The following ZNF562 variants were observed in gnomAD, a reference collection of about 807,000 sequenced individuals.
ZNF562 encodes the protein zinc finger protein 562.
In ZNF562, 13 loss-of-function variants were observed where a neutral mutation model predicts 17.5. That is an observed-to-expected ratio of 0.74 (90% CI 0.48 to 1.18). The LOEUF is 1.18. ZNF562 is among the 50% of genes most tolerant of loss of function. ZNF562 has a pLI of 0.00. For synonymous variants in ZNF562, 163 were observed against 165.4 expected (o/e 0.99, Z 0.11); for missense variants, 481 against 498.5 (o/e 0.96, Z 0.33).
At chr19:9,666,129 A>G (rs2043946784) in intron 1 of ZNF562, among the ~76,000 whole-genome samples, 1 of 152,152 alleles carries the variant, frequency 6.6e-6, no homozygotes, top group South Asian at 2.1e-4. Flanking sequence ...GTTCAAGACC[A>G]GCCTGACCAA....
chr19:9,653,075 T>C lies in ZNF562; in HGVS notation c.1155A>G (p.Ser385=). The part of the protein sequence containing the change: ...KECGKAFNRS[S]TLTQHRRIHT... ...GAATTCTTCTATGTTGAGTAAGCGTTGAAGATCTATTGAAGGCTTTCCCAC... is the reference window on the plus strand; with the variant it reads ...GAATTCTTCTATGTTGAGTAAGCGTCGAAGATCTATTGAAGGCTTTCCCAC... Residue 385 remains serine (S), a synonymous_variant, in exon 6 of 6, where the codon TCA becomes TCG. Transcript: ENST00000453372. 1.2e-6 allele frequency: 2 copies of C among 1,608,548 alleles called. No individual in the cohort carries two copies. Among genetic ancestry groups the C allele is most frequent in the African/African-American group, 1.3e-5 (1 of 74,874 alleles).
chr19:9,656,752 C>T (rs562425669), intron 4 of ZNF562, 99 bp from the exon 5 acceptor site: 13 of 1,236,116 alleles, frequency 1.1e-5, no homozygotes, highest in East Asian at 4.9e-5. Context: ...AGGCCAGGCA[C>T]GGTGACTCAG....
intron 5 of ZNF562, among the ~76,000 whole-genome samples, chr19:9,655,639 CAA>C (rs1426062969): frequency 6.9e-6 from 1 of 144,652 alleles, no homozygotes; most frequent in Non-Finnish European, 1.5e-5. Context: ...AGGCTGGTCT[CAA>C]AGTGCTAACC....
chr19:9,670,796 G>T (rs770132072), intron 1 of ZNF562, among the ~76,000 whole-genome samples: 28 of 151,976 alleles, frequency 1.8e-4, no homozygotes, highest in Non-Finnish European at 3.7e-4. Flanking sequence ...TCAGGAGTTC[G>T]AGACCAACCT....
intron 2 of ZNF562, among the ~76,000 whole-genome samples, chr19:9,659,750 A>C (rs1272113184): frequency 2.6e-5 from 4 of 151,904 alleles, no homozygotes; most frequent in Middle Eastern, 3.4e-3. Flanking sequence ...AACACTCATG[A>C]AGCTTATGTA....
Position 9,660,765 on chromosome 19 carries a change from A to G in ZNF562, c.-21T>C. Reference sequence around the variant, plus strand: ...GACATCCTCTGAAGCTGATGGTGAGATGTGCCTCAATGCTGTCTTTCTTGA... The same window carrying G: ...GACATCCTCTGAAGCTGATGGTGAGGTGTGCCTCAATGCTGTCTTTCTTGA... On this transcript the variant is annotated 5_prime_UTR_variant, in exon 2 of 6. Transcript: ENST00000453372. The G allele has an allele frequency of 6.2e-7, 1 of 1,613,198 alleles. No homozygotes were observed. Among genetic ancestry groups the G allele is most frequent in the East Asian group, 2.2e-5 (1 of 44,862 alleles).
chr19:9,668,738 C>G (rs915231642), intron 1 of ZNF562, among the ~76,000 whole-genome samples: 2 of 152,114 alleles, frequency 1.3e-5, no homozygotes, highest in Non-Finnish European at 1.5e-5. Flanking sequence ...ATAACCAAAT[C>G]AGCATGGTAC....
rs1273149702 is a variant in ZNF562 at position 9,647,161 on chromosome 19, A to G, written c.*5788T>C. On this transcript the variant is annotated 3_prime_UTR_variant, in exon 6 of 6. Coordinates refer to ENST00000453372, the MANE Select transcript of ZNF562 (RefSeq NM_001130031.2). ...CAGTGGTGTGATCTAGGCTCATTGA[A>G]ACCTCCACTTCAGGGGTTCAAGAGA... 1 of 150,560 alleles carries G rather than the reference A, an allele frequency of 6.6e-6. No homozygotes were observed. Among genetic ancestry groups the G allele is most frequent in the Admixed American group, 6.6e-5 (1 of 15,062 alleles). 9.3% of individuals were successfully genotyped at this position (150,560 alleles called of 1,614,324 possible).
chr19:9,672,231 C>T (rs1438046165), intron 1 of ZNF562, among the ~76,000 whole-genome samples: 2 of 152,090 alleles, frequency 1.3e-5, no homozygotes, highest in South Asian at 2.1e-4. Flanking sequence ...CAAGAGCATA[C>T]GTTGAATCAA....
At chr19:9,670,606 G>A (rs1175797556) in intron 1 of ZNF562, among the ~76,000 whole-genome samples, 4 of 152,168 alleles carry the variant, frequency 2.6e-5, no homozygotes, top group Non-Finnish European at 5.9e-5. Flanking sequence ...ATTCTCACAT[G>A]TGGGAGCTAA....
rs2074777605 is a variant in ZNF562 at position 9,642,304 on chromosome 19, A to C, written c.*10645T>G. ...TTTTTCTTTAAAAAAAAAAAAAAAA[A>C]CAGGGTTTCACTCTGTCACACAGGC... On this transcript the variant is annotated 3_prime_UTR_variant, in exon 6 of 6. Coordinates refer to ENST00000453372, the MANE Select transcript of ZNF562 (RefSeq NM_001130031.2). 1 of 150,778 alleles carries C rather than the reference A, an allele frequency of 6.6e-6. No homozygotes were observed. The highest frequency in any genetic ancestry group is 2.1e-4 in the South Asian group (1 of 4,790). The allele number at this position is 150,778 out of a possible 1,614,324, so 9.3% of individuals were successfully genotyped here. A position where few individuals can be genotyped will look rare whatever the true frequency, so the allele number is the denominator to read the frequency against.
At chr19:9,670,507 A>AATGG (rs2145048410) in intron 1 of ZNF562, among the ~76,000 whole-genome samples, 1 of 151,708 alleles carries the variant, frequency 6.6e-6, no homozygotes, top group South Asian at 2.1e-4. Flanking sequence ...CCATAAAGAG[A>AATGG]ATGGAATTCT....
Position 9,651,102 on chromosome 19 carries a change from T to G in ZNF562, c.*1847A>C, listed in dbSNP as rs533069288. The G allele has an allele frequency of 1.3e-5, 2 of 151,912 alleles. No homozygotes were observed. Among genetic ancestry groups the G allele is most frequent in the Admixed American group, 6.6e-5 (1 of 15,208 alleles). The allele number at this position is 151,912 out of a possible 1,614,324, so 9.4% of individuals were successfully genotyped here. ...CAGATATTGGTACTGAGAAGTGAGG[T>G]ACTGCAATTAAAAACAAACAAAAAA... On this transcript the variant is annotated 3_prime_UTR_variant, in exon 6 of 6. Coordinates refer to ENST00000453372, the MANE Select transcript of ZNF562 (RefSeq NM_001130031.2).
chr19:9,661,725 G>A (rs1286971371), intron 1 of ZNF562, among the ~76,000 whole-genome samples: 1 of 152,138 alleles, frequency 6.6e-6, no homozygotes, highest in African/African-American at 2.4e-5. Context: ...ACCCCGGGAG[G>A]TGGAGGTTGC....
At position 9,648,745 on chromosome 19, in the gene ZNF562, C is replaced by T. The variant is rs2074829017; in HGVS notation, c.*4204G>A. ...CTAGAACCCCTGGGCTCAGGCCACC[C>T]TCCCAAGTAGCTAAAACTATAGGCA... On this transcript the variant is annotated 3_prime_UTR_variant, in exon 6 of 6. Transcript: ENST00000453372. 6.6e-6 allele frequency: 1 copy of T among 151,928 alleles called. No individual in the cohort carries two copies. Among genetic ancestry groups the T allele is most frequent in the Non-Finnish European group, 1.5e-5 (1 of 67,974 alleles). The allele number at this position is 151,928 out of a possible 1,614,324, so 9.4% of individuals were successfully genotyped here. A position where few individuals can be genotyped will look rare whatever the true frequency, so the allele number is the denominator to read the frequency against.
intron 1 of ZNF562, among the ~76,000 whole-genome samples, chr19:9,666,429 G>A (rs904887391): frequency 6.6e-6 from 1 of 150,944 alleles, no homozygotes; most frequent in Admixed American, 6.6e-5. Context: ...GAATTTTACA[G>A]CAGTAAACAC....
chr19:9,669,777 A>ACCC (rs1568282292), intron 1 of ZNF562, among the ~76,000 whole-genome samples: 10 of 88,696 alleles, frequency 1.1e-4, no homozygotes, highest in African/African-American at 4.0e-4. Flanking sequence ...CACACACACA[A>ACCC]CCAGTCAGGG....
intron 4 of ZNF562, among the ~76,000 whole-genome samples, chr19:9,656,871 A>AAAAAAAATATATATAT (rs376933513): frequency 7.0e-6 from 1 of 142,436 alleles, no homozygotes; most frequent in Non-Finnish European, 1.5e-5. Flanking sequence ...AAAATACAAA[A>AAAAAAAATATATATAT]ATATATATAT....
At chr19:9,669,724 GCGCGCGCGCGCACACACACACACACACA>G (rs1391175946) in intron 1 of ZNF562, among the ~76,000 whole-genome samples, 6 of 77,980 alleles carry the variant, frequency 7.7e-5, no homozygotes, top group Non-Finnish European at 1.3e-4. Context: ...GCGAGCGCGC[GCGCGCGCGCGCACACACACACACACACA>G]CACACACACA....
Sources: allele counts gnomAD v4.1 joint callset (sites outside exome capture counted in the v4.1 genomes callset), GRCh38; gene constraint gnomAD v4.1.1; transcripts MANE v1.5; gene names NCBI Gene and HGNC (gene_info 2026-07-23, HGNC 2026-07-21).